The following EXOC4 variants were observed in gnomAD, a reference collection of about 807,000 sequenced individuals.
EXOC4 encodes SEC8-like 1.
Under a neutral mutation model 107.2 loss-of-function variants are expected in EXOC4, and 71 were observed. The ratio of observed to expected loss-of-function variants is 0.66; its 90% CI spans 0.55 to 0.81. EXOC4 has a LOEUF of 0.81. EXOC4 is among the 30% of genes least tolerant of loss of function. The pLI is 0.00. For missense variants in EXOC4, 1,108 were observed against 1,189.6 expected, an observed-to-expected ratio of 0.93 and a Z score of 1.01; for synonymous variants, 456 against 441.2, an observed-to-expected ratio of 1.03 and a Z score of -0.42.
intron 17 of EXOC4, among the ~76,000 whole-genome samples, chr7:134,059,041 A>T (rs1012527202): frequency 3.9e-5 from 6 of 152,172 alleles, no homozygotes; most frequent in African/African-American, 1.4e-4. Context: ...CCATTCCGGG[A>T]TCTAGGACTC....
chr7:133,922,715 G>A (rs1255675640), intron 13 of EXOC4, among the ~76,000 whole-genome samples: 2 of 152,110 alleles, frequency 1.3e-5, no homozygotes, highest in African/African-American at 4.8e-5. Flanking sequence ...GGGTGTGGTG[G>A]CAGGTGCCTG....
chr7:133,526,370 A>G lies in EXOC4; in HGVS notation c.1417+46232A>G, dbSNP rs547789397. 7.4e-4 allele frequency among the ~76,000 whole-genome samples: 113 copies of G among 152,316 alleles called. 1 individual carries two copies. Among genetic ancestry groups the G allele is most frequent in the South Asian group, 1.9e-3 (9 of 4,822 alleles). Reference sequence around the variant, plus strand: ...TCAGGTTAGGAATTTGCGATATGGGATTGCTAATTTAAAATACACCAGTTA... The same window carrying G: ...TCAGGTTAGGAATTTGCGATATGGGGTTGCTAATTTAAAATACACCAGTTA... On this transcript the variant is annotated intron_variant, in intron 9 of 17. Transcript: ENST00000253861.
intron 17 of EXOC4, among the ~76,000 whole-genome samples, chr7:134,017,127 A>G (rs769736560): frequency 6.6e-6 from 1 of 152,318 alleles, no homozygotes; most frequent in Non-Finnish European, 1.5e-5. Flanking sequence ...TTATTCTGCC[A>G]TTGGTCTTGT....
chr7:133,480,529 A>G, intron 9 of EXOC4: 1 of 814,008 alleles, frequency 1.2e-6, no homozygotes, highest in African/African-American at 1.8e-5. Context: ...GGGAAAGGGA[A>G]AATGCAACCA....
chr7:133,275,554 C>T (rs1286425188), intron 2 of EXOC4, among the ~76,000 whole-genome samples: 3 of 152,162 alleles, frequency 2.0e-5, no homozygotes, highest in Non-Finnish European at 4.4e-5. Context: ...AACAATAAAG[C>T]ATAATATTCT....
intron 14 of EXOC4, among the ~76,000 whole-genome samples, chr7:133,952,007 T>G (rs1800702682): frequency 6.6e-6 from 1 of 152,044 alleles, no homozygotes; most frequent in Non-Finnish European, 1.5e-5. Flanking sequence ...AATACAAAAA[T>G]TAGCCAAGCG....
intron 10 of EXOC4, among the ~76,000 whole-genome samples, chr7:133,789,476 A>T (rs1458353389): frequency 1.3e-5 from 2 of 152,206 alleles, no homozygotes; most frequent in Non-Finnish European, 2.9e-5. Context: ...CTGTAGTTTC[A>T]CACTGATGAT....
chr7:133,701,816 C>A (rs1429306418), intron 10 of EXOC4, among the ~76,000 whole-genome samples: 1 of 151,616 alleles, frequency 6.6e-6, no homozygotes, highest in Non-Finnish European at 1.5e-5. Flanking sequence ...ATACACATAC[C>A]CTGAAGGTAA....
At chr7:134,012,840 A>G (rs1794804154) in intron 17 of EXOC4, among the ~76,000 whole-genome samples, 1 of 152,190 alleles carries the variant, frequency 6.6e-6, no homozygotes, top group Non-Finnish European at 1.5e-5. Flanking sequence ...GAGGCAGCCA[A>G]CAGAATAGGA....
At chr7:133,642,048 C>G (rs1004804882) in intron 10 of EXOC4, among the ~76,000 whole-genome samples, 1 of 152,136 alleles carries the variant, frequency 6.6e-6, no homozygotes, top group South Asian at 2.1e-4. Flanking sequence ...TTTTGATTGA[C>G]ATGTTGATTT....
At chr7:133,370,254 G>A (rs919911859) in intron 6 of EXOC4, among the ~76,000 whole-genome samples, 4 of 151,184 alleles carry the variant, frequency 2.6e-5, no homozygotes, top group South Asian at 4.2e-4. Flanking sequence ...AGGTCCTTAC[G>A]AAATGTGCCC....
intron 11 of EXOC4, among the ~76,000 whole-genome samples, chr7:133,873,996 A>G (rs1798799253): frequency 6.6e-6 from 1 of 152,218 alleles, no homozygotes; most frequent in Admixed American, 6.5e-5. Context: ...GATTTCCAGT[A>G]TCATATTGGC....
intron 7 of EXOC4, among the ~76,000 whole-genome samples, chr7:133,427,118 C>G (rs1050062692): frequency 1.3e-5 from 2 of 151,248 alleles, no homozygotes; most frequent in African/African-American, 4.9e-5. Context: ...TTATTTTTTT[C>G]AAGATAATCA....
chr7:133,926,570 T>G (rs142292946), intron 13 of EXOC4, among the ~76,000 whole-genome samples: 44 of 152,328 alleles, frequency 2.9e-4, no homozygotes, highest in African/African-American at 1.0e-3. Flanking sequence ...GGAAAAATAA[T>G]CTATTGAATA....
intron 1 of EXOC4, among the ~76,000 whole-genome samples, chr7:133,261,817 G>C (rs1335600816): frequency 1.3e-5 from 2 of 152,106 alleles, no homozygotes; most frequent in African/African-American, 4.8e-5. Context: ...ACTCTGGCCT[G>C]GGGGATAGGC....
intron 10 of EXOC4, among the ~76,000 whole-genome samples, chr7:133,723,583 T>C (rs1255187264): frequency 6.6e-6 from 1 of 152,122 alleles, no homozygotes; most frequent in Non-Finnish European, 1.5e-5. Flanking sequence ...CTCTGCCTTC[T>C]GGGTTCAGCG....
chr7:134,055,850 A>G (rs868386051), intron 17 of EXOC4, among the ~76,000 whole-genome samples: 17 of 152,320 alleles, frequency 1.1e-4, no homozygotes, highest in East Asian at 9.6e-4. Flanking sequence ...ATAAATAAAT[A>G]AAGCTTCTTG....
At chr7:133,351,016 A>C (rs1271988439) in intron 5 of EXOC4, among the ~76,000 whole-genome samples, 1 of 151,946 alleles carries the variant, frequency 6.6e-6, no homozygotes, top group African/African-American at 2.4e-5. Context: ...TTATTTTTAT[A>C]ATTTCCTTTT....
At chr7:134,071,644 CAG>C in the EXOC4 span, among the ~76,000 whole-genome samples, 8 of 152,290 alleles carry the variant, frequency 5.3e-5, no homozygotes, top group African/African-American at 1.7e-4. Flanking sequence ...CTTATCTCCT[CAG>C]GGGTTAGTTT....
Sources: allele counts gnomAD v4.1 joint callset (sites outside exome capture counted in the v4.1 genomes callset), GRCh38; gene constraint gnomAD v4.1.1; transcripts MANE v1.5; gene names NCBI Gene and HGNC (gene_info 2026-07-23, HGNC 2026-07-21).